The following METTL15 variants were observed in gnomAD, a reference collection of about 807,000 sequenced individuals.
The protein encoded by METTL15 is methyltransferase 15, mitochondrial 12S rRNA N4-cytidine.
Under a neutral mutation model 38.3 loss-of-function variants are expected in METTL15, and 34 were observed. That is an observed-to-expected ratio of 0.89 (90% CI 0.68 to 1.18). The LOEUF is 1.18. METTL15 is among the 50% of genes most tolerant of loss of function. METTL15 has a pLI of 0.00. For missense variants in METTL15, 438 were observed against 498.4 expected, an observed-to-expected ratio of 0.88 and a Z score of 1.15; for synonymous variants, 162 against 170.9, an observed-to-expected ratio of 0.95 and a Z score of 0.41.
At chr11:28,361,071 T>A (rs1478930841) in intron 4 of METTL15, among the ~76,000 whole-genome samples, 1 of 151,900 alleles carries the variant, frequency 6.6e-6, no homozygotes, top group African/African-American at 2.4e-5. Flanking sequence ...GTTGGACATT[T>A]GGGTTGGTTC....
chr11:28,530,731 T>G (rs573890983), downstream of METTL15, among the ~76,000 whole-genome samples: 1 of 152,162 alleles, frequency 6.6e-6, no homozygotes, highest in African/African-American at 2.4e-5. Flanking sequence ...TTTTCATAGT[T>G]TGGACCATGA....
At chr11:28,316,743 T>C (rs541089280) in intron 6 of METTL15, among the ~76,000 whole-genome samples, 1 of 152,168 alleles carries the variant, frequency 6.6e-6, no homozygotes, top group African/African-American at 2.4e-5. Flanking sequence ...CTTTCCCGTT[T>C]GTTCTCCTGA....
intron 6 of METTL15, among the ~76,000 whole-genome samples, chr11:28,325,014 G>A (rs376055261): frequency 2.6e-5 from 4 of 152,106 alleles, no homozygotes; most frequent in African/African-American, 9.6e-5. Context: ...TTGGCTTCAG[G>A]GTCAGCAGCT....
At chr11:28,466,423 T>C (rs1296639182) in intron 6 of METTL15, among the ~76,000 whole-genome samples, 1 of 152,184 alleles carries the variant, frequency 6.6e-6, no homozygotes, top group African/African-American at 2.4e-5. Flanking sequence ...TTTTCTTAAG[T>C]TGAATATTGG....
At chr11:28,511,990 G>A (rs1452578906) in intron 6 of METTL15, among the ~76,000 whole-genome samples, 2 of 151,658 alleles carry the variant, frequency 1.3e-5, no homozygotes, top group Admixed American at 6.6e-5. Flanking sequence ...GGTTCTCCAC[G>A]TCCCCACTAG....
At chr11:28,230,812 C>T (rs1418494473) in intron 4 of METTL15, among the ~76,000 whole-genome samples, 1 of 151,622 alleles carries the variant, frequency 6.6e-6, no homozygotes, top group African/African-American at 2.4e-5. Context: ...TCCTTTTTTC[C>T]TGAGAGAATG....
chr11:28,220,195 G>T (rs59900513), intron 4 of METTL15, among the ~76,000 whole-genome samples: 1 of 151,998 alleles, frequency 6.6e-6, no homozygotes, highest in Non-Finnish European at 1.5e-5. Flanking sequence ...TGTGGGAATC[G>T]AAGTCTCTTT....
chr11:28,482,936 A>G (rs1297333810), intron 6 of METTL15, among the ~76,000 whole-genome samples: 4 of 152,258 alleles, frequency 2.6e-5, no homozygotes, highest in East Asian at 1.9e-4. Flanking sequence ...ATCCTCCTGG[A>G]CAATAGGATA....
chr11:28,206,474 T>C (rs1852349667), intron 3 of METTL15, among the ~76,000 whole-genome samples: 1 of 152,136 alleles, frequency 6.6e-6, no homozygotes, highest in Non-Finnish European at 1.5e-5. Flanking sequence ...TATATCTCTG[T>C]TTTGGTACCA....
intron 5 of METTL15, among the ~76,000 whole-genome samples, chr11:28,376,253 T>A (rs1359952806): frequency 2.6e-5 from 4 of 152,122 alleles, no homozygotes; most frequent in Non-Finnish European, 5.9e-5. Flanking sequence ...GTCTGTCTAA[T>A]GTTGACAGTG....
chr11:28,418,162 G>C (rs1260300156), intron 5 of METTL15, among the ~76,000 whole-genome samples: 12 of 152,122 alleles, frequency 7.9e-5, no homozygotes, highest in Non-Finnish European at 1.8e-4. Flanking sequence ...GATACTGCCA[G>C]TGTATGTCTC....
intron 4 of METTL15, among the ~76,000 whole-genome samples, chr11:28,270,478 C>T (rs1855599817): frequency 6.6e-6 from 1 of 152,106 alleles, no homozygotes; most frequent in African/African-American, 2.4e-5. Context: ...AGTTCCAACT[C>T]TAAAAGTAGT....
At chr11:28,469,310 T>C (rs1851283926) in intron 6 of METTL15, among the ~76,000 whole-genome samples, 1 of 152,206 alleles carries the variant, frequency 6.6e-6, no homozygotes, top group Admixed American at 6.5e-5. Context: ...ATTTAAGATA[T>C]ACAATGTAAT....
intron 4 of METTL15, chr11:28,287,465 C>T: frequency 2.4e-6 from 1 of 419,434 alleles, no homozygotes; most frequent in South Asian, 1.8e-5. Flanking sequence ...GCAATGTGAT[C>T]ATCAGTGATT....
rs796170352 is a variant in METTL15, at chr11:28,374,988, A to G, written c.*358+12952A>G. Among the ~76,000 whole-genome samples, 13 of 151,340 alleles carry G rather than the reference A, an allele frequency of 8.6e-5. No individual in the cohort carries two copies. In the East Asian group the frequency reaches 1.9e-3, roughly 23 times the overall value. On this transcript the variant is annotated intron_variant and NMD_transcript_variant, in intron 5 of 7. Transcript: ENST00000532947. ...TACATTTATTGATTTGCATATATTG[A>G]ACCAGCCTTGCATCCCAGGGATGAA...
intron 6 of METTL15, among the ~76,000 whole-genome samples, chr11:28,516,276 G>A (rs1233392841): frequency 3.3e-5 from 5 of 152,162 alleles, no homozygotes; most frequent in Admixed American, 2.0e-4. Context: ...CAGGTGGGTG[G>A]TGGGGGGATT....
At chr11:28,438,248 A>T (rs1412005062) in intron 6 of METTL15, among the ~76,000 whole-genome samples, 1 of 152,228 alleles carries the variant, frequency 6.6e-6, no homozygotes, top group African/African-American at 2.4e-5. Context: ...GAAATTGTGC[A>T]CTATTCTCTC....
At chr11:28,423,336 A>G (rs866990957) in intron 5 of METTL15, among the ~76,000 whole-genome samples, 2 of 151,974 alleles carry the variant, frequency 1.3e-5, no homozygotes, top group Non-Finnish European at 2.9e-5. Context: ...CATCAATCCC[A>G]ATGCTAGGTA....
chr11:28,384,753 C>T (rs1850423400), intron 5 of METTL15, among the ~76,000 whole-genome samples: 1 of 152,150 alleles, frequency 6.6e-6, no homozygotes. Context: ...ATTTACACTC[C>T]CACCAACAGT....
Sources: allele counts gnomAD v4.1 joint callset (sites outside exome capture counted in the v4.1 genomes callset), GRCh38; gene constraint gnomAD v4.1.1; transcripts MANE v1.5; gene names NCBI Gene and HGNC (gene_info 2026-07-23, HGNC 2026-07-21).